Variants in RGS7 observed in about 807,000 individuals in gnomAD.
The protein encoded by RGS7 is regulator of G protein signaling 7, also known as regulator of G-protein signaling 7.
RGS7 carries 27 observed loss-of-function variants against 81.1 expected under a neutral mutation model. The observed-to-expected ratio is 0.33, with a 90% confidence interval of 0.25 to 0.46. The LOEUF is 0.46. RGS7 is among the 20% of genes least tolerant of loss of function. RGS7 has a pLI of 1.00. For missense variants in RGS7, 396 were observed against 607.4 expected, an observed-to-expected ratio of 0.65 and a Z score of 3.66; for synonymous variants, 208 against 207.7, an observed-to-expected ratio of 1.00 and a Z score of -0.01.
chr1:240,959,308 T>C (rs182306093), intron 4 of RGS7, among the ~76,000 whole-genome samples: 1 of 152,332 alleles, frequency 6.6e-6, no homozygotes, highest in East Asian at 1.9e-4. Context: ...GATTTCATCA[T>C]TGTGCGAACT....
intron 2 of RGS7, among the ~76,000 whole-genome samples, chr1:241,214,998 A>T (rs1009023745): frequency 1.3e-5 from 2 of 152,080 alleles, no homozygotes; most frequent in Non-Finnish European, 2.9e-5. Context: ...TTGTCTGCTA[A>T]CTCCAATATC....
chr1:241,196,164 TAATTGAAACAATGGAAGC>T (rs1426942276), intron 2 of RGS7, among the ~76,000 whole-genome samples: 5 of 152,146 alleles, frequency 3.3e-5, no homozygotes, highest in Non-Finnish European at 7.4e-5. Flanking sequence ...GCTGACTTCT[TAATTGAAACAATGGAAGC>T]CAGAAGACAG....
At chr1:240,864,183 CT>C (rs1387474146) in intron 9 of RGS7, among the ~76,000 whole-genome samples, 6 of 152,158 alleles carry the variant, frequency 3.9e-5, no homozygotes, top group Non-Finnish European at 7.3e-5. Context: ...TTTTAGTCCA[CT>C]CTTTATGACT....
intron 3 of RGS7, among the ~76,000 whole-genome samples, chr1:241,069,215 T>C (rs1343869991): frequency 1.3e-5 from 2 of 152,250 alleles, no homozygotes; most frequent in African/African-American, 4.8e-5. Flanking sequence ...TCATGTCCTT[T>C]AAGTTATCAG....
At chr1:240,894,086 A>G (rs989072396) in intron 6 of RGS7, among the ~76,000 whole-genome samples, 4 of 152,206 alleles carry the variant, frequency 2.6e-5, no homozygotes, top group African/African-American at 9.6e-5. Context: ...ATACAAATAT[A>G]GGTTACCTGA....
intron 6 of RGS7, chr1:240,920,235 C>G: frequency 8.3e-7 from 1 of 1,210,404 alleles, no homozygotes; most frequent in Non-Finnish European, 1.2e-6. Context: ...CCAAAGAGGT[C>G]GAAGTGGTTC....
intron 2 of RGS7, among the ~76,000 whole-genome samples, chr1:241,132,898 G>A (rs2067220766): frequency 6.6e-6 from 1 of 152,148 alleles, no homozygotes; most frequent in Non-Finnish European, 1.5e-5. Context: ...AAGTAGCTGG[G>A]ATTACAGGTG....
chr1:241,140,282 GA>G (rs1351726229), intron 2 of RGS7, among the ~76,000 whole-genome samples: 5 of 152,156 alleles, frequency 3.3e-5, no homozygotes, highest in African/African-American at 1.2e-4. Context: ...GAATACACTT[GA>G]AAGCTCCTAC....
rs897291454 is a variant in RGS7, at chr1:241,060,485, C to T, written c.175+38181G>A. 2.6e-5 allele frequency among the ~76,000 whole-genome samples: 4 copies of T among 152,172 alleles called. 1 individual carries two copies. The South Asian group carries it at 8.3e-4, about 32-fold the overall frequency. On this transcript the variant is annotated intron_variant, in intron 3 of 18. Coordinates refer to ENST00000440928, the MANE Select transcript of RGS7 (RefSeq NM_001364886.1). ...CTTTTTTTTCTCCCCCCAACTTCCA[C>T]TCCCAGTTTTCCTCTTAAGGAAGGA...
chr1:241,343,404 A>T (rs753725716), intron 2 of RGS7, among the ~76,000 whole-genome samples: 2 of 152,234 alleles, frequency 1.3e-5, no homozygotes, highest in Admixed American at 6.5e-5. Context: ...TACAATAGTC[A>T]AAGGTAGCAG....
intron 3 of RGS7, among the ~76,000 whole-genome samples, chr1:241,060,330 T>G (rs2061679664): frequency 6.6e-6 from 1 of 152,222 alleles, no homozygotes; most frequent in African/African-American, 2.4e-5. Flanking sequence ...ATCCTAACTT[T>G]GTTATGTTGT....
chr1:241,001,161 T>A (rs1688089712), intron 3 of RGS7, among the ~76,000 whole-genome samples: 1 of 152,220 alleles, frequency 6.6e-6, no homozygotes, highest in African/African-American at 2.4e-5. Flanking sequence ...TAGGCTAATT[T>A]TTACTTTTTC....
chr1:240,930,040 A>G (rs554651925), intron 6 of RGS7, among the ~76,000 whole-genome samples: 172 of 152,292 alleles, frequency 1.1e-3, no homozygotes, highest in African/African-American at 4.1e-3. Flanking sequence ...TGCAGAAATG[A>G]CATTTAAAAA....
At chr1:241,253,648 T>G (rs1048764072) in intron 2 of RGS7, among the ~76,000 whole-genome samples, 2 of 152,194 alleles carry the variant, frequency 1.3e-5, no homozygotes, top group African/African-American at 4.8e-5. Flanking sequence ...TTGTGTCAGC[T>G]GTACACATGG....
chr1:240,886,910 C>A (rs1460459866), intron 6 of RGS7, among the ~76,000 whole-genome samples: 1 of 152,148 alleles, frequency 6.6e-6, no homozygotes, highest in South Asian at 2.1e-4. Context: ...GGAACAATGG[C>A]CCATGAGTTT....
At chr1:241,253,179 T>C (rs2076911561) in intron 2 of RGS7, among the ~76,000 whole-genome samples, 1 of 152,250 alleles carries the variant, frequency 6.6e-6, no homozygotes, top group African/African-American at 2.4e-5. Flanking sequence ...ACAGATTGGA[T>C]GAGAACCATT....
intron 6 of RGS7, among the ~76,000 whole-genome samples, chr1:240,893,793 T>G (rs1197012848): frequency 6.6e-6 from 1 of 152,208 alleles, no homozygotes; most frequent in Non-Finnish European, 1.5e-5. Context: ...TTACTAAGCA[T>G]ATGAGATTGA....
chr1:241,243,551 G>A (rs2076365026), intron 2 of RGS7, among the ~76,000 whole-genome samples: 1 of 152,178 alleles, frequency 6.6e-6, no homozygotes, highest in African/African-American at 2.4e-5. Flanking sequence ...TGCTTGCAAG[G>A]AGGGGAAAAG....
chr1:240,858,883 G>C (rs1044084163), intron 9 of RGS7, among the ~76,000 whole-genome samples: 2 of 152,106 alleles, frequency 1.3e-5, no homozygotes, highest in African/African-American at 4.8e-5. Context: ...CGCTGGACAT[G>C]ATATCCTAAT....
Sources: gnomAD v4.1 joint callset for allele counts (sites outside exome capture counted in the v4.1 genomes callset) on GRCh38, gnomAD v4.1.1 for gene constraint, MANE v1.5 for transcripts, NCBI Gene and HGNC (gene_info 2026-07-23, HGNC 2026-07-21) for gene names.